The following MANBA variants were observed in gnomAD, a reference collection of about 807,000 sequenced individuals.
MANBA encodes the protein mannosidase beta, also known as beta-mannosidase.
Under a neutral mutation model 111.1 loss-of-function variants are expected in MANBA, and 83 were observed. The observed-to-expected ratio is 0.75, with a 90% confidence interval of 0.63 to 0.90. The LOEUF is 0.90. Ranked by LOEUF, MANBA falls within the 40% of genes least tolerant of loss-of-function variation. The probability of loss-of-function intolerance (pLI) is 0.00; values close to 1 mark genes in which losing one functional copy is unlikely to be tolerated. For missense variants in MANBA, 1,036 were observed against 1,069.0 expected (o/e 0.97, Z 0.43); for synonymous variants, 370 against 378.7 (o/e 0.98, Z 0.27).
chr4:102,692,672 A>G (rs1423821832), intron 5 of MANBA, among the ~76,000 whole-genome samples: 7 of 152,146 alleles, frequency 4.6e-5, no homozygotes, highest in Admixed American at 4.6e-4. Context: ...GAAAGAAAGG[A>G]GAAGAGCAGT....
Position 102,760,949 on chromosome 4 carries a change from G to A in MANBA, c.-55C>T. On this transcript the variant is annotated 5_prime_UTR_variant, in exon 1 of 17. Transcript: ENST00000647097. ...GAGATCGAAAGGCAGCGCTGCAAGG[G>A]ACCGGCGGTGAAGCCACTCACCCCC... 6.7e-7 allele frequency: 1 copy of A among 1,500,188 alleles called. No individual in the cohort carries two copies. The highest frequency in any genetic ancestry group is 9.0e-7 in the Non-Finnish European group (1 of 1,114,394). 92.9% of individuals were successfully genotyped at this position (1,500,188 alleles called of 1,614,324 possible).
At chr4:102,730,303 G>C in intron 1 of MANBA, 1 of 548,636 alleles carries the variant, frequency 1.8e-6, no homozygotes, top group Non-Finnish European at 3.2e-6. Flanking sequence ...TTACAAGAGG[G>C]TATAACTTAG....
At chr4:102,642,323 T>A (rs989681019) in intron 13 of MANBA, among the ~76,000 whole-genome samples, 1 of 152,180 alleles carries the variant, frequency 6.6e-6, no homozygotes, top group Non-Finnish European at 1.5e-5. Context: ...AATATGCCTA[T>A]TTGGCTGGGC....
chr4:102,638,933 A>C (rs1578859839), intron 14 of MANBA, among the ~76,000 whole-genome samples: 1 of 152,068 alleles, frequency 6.6e-6, no homozygotes, highest in African/African-American at 2.4e-5. Context: ...AACAAAAAGA[A>C]CCTCACCCAA....
intron 9 of MANBA, 71 bp from the exon 10 acceptor site, chr4:102,669,120 G>C: frequency 1.7e-6 from 2 of 1,164,182 alleles, no homozygotes; most frequent in Middle Eastern, 1.9e-4. Flanking sequence ...TCTTTATTCT[G>C]AGCTCTGGGC....
At chr4:102,652,741 A>C (rs1009289699) in intron 12 of MANBA, among the ~76,000 whole-genome samples, 18 of 152,056 alleles carry the variant, frequency 1.2e-4, no homozygotes, top group African/African-American at 4.1e-4. Context: ...AAGAAAAATA[A>C]AAAATCAGCC....
intron 1 of MANBA, chr4:102,734,502 G>A (rs931113039): frequency 6.8e-6 from 11 of 1,606,268 alleles, no homozygotes; most frequent in Admixed American, 3.3e-5. Flanking sequence ...CAAGTTCCAC[G>A]AGGTGGAGGC....
intron 4 of MANBA, among the ~76,000 whole-genome samples, chr4:102,715,180 G>C (rs1722271974): frequency 6.6e-6 from 1 of 152,168 alleles, no homozygotes; most frequent in Non-Finnish European, 1.5e-5. Context: ...ACTAAGCCTT[G>C]AATTTTGGGT....
At chr4:102,694,113 C>G (rs565567731) in intron 5 of MANBA, among the ~76,000 whole-genome samples, 2 of 152,270 alleles carry the variant, frequency 1.3e-5, no homozygotes, top group East Asian at 3.9e-4. Context: ...CAAAATTCCC[C>G]AGTTTCTCTT....
At position 102,714,411 on chromosome 4, in the gene MANBA, A is replaced by G. The variant is rs572605859; in HGVS notation, c.673+27T>C. 1.1e-4 allele frequency: 180 copies of G among 1,580,952 alleles called. 1 individual carries two copies. The South Asian group carries it at 1.7e-3, about 15-fold the overall frequency. On this transcript the variant is annotated intron_variant, in intron 5 of 16. Transcript: ENST00000647097. Reference sequence around the variant, plus strand: ...TTTTATAACAAGAAGACTCAAAAAGAAAAAAAAATCACATCTTTCAGCTTA... The same window carrying G: ...TTTTATAACAAGAAGACTCAAAAAGGAAAAAAAATCACATCTTTCAGCTTA...
chr4:102,634,156 T>A (rs1729510011), intron 16 of MANBA, among the ~76,000 whole-genome samples: 1 of 152,234 alleles, frequency 6.6e-6, no homozygotes. Context: ...TTCAACCTAC[T>A]AGACAAATTC....
intron 1 of MANBA, among the ~76,000 whole-genome samples, chr4:102,745,157 C>T (rs1723543374): frequency 6.6e-6 from 1 of 152,164 alleles, no homozygotes; most frequent in Non-Finnish European, 1.5e-5. Flanking sequence ...TCAATGTCAG[C>T]TCAGAGCCAG....
At chr4:102,655,429 T>G (rs1295414929) in intron 12 of MANBA, among the ~76,000 whole-genome samples, 2 of 152,140 alleles carry the variant, frequency 1.3e-5, no homozygotes, top group East Asian at 3.8e-4. Context: ...TACAAAGCTA[T>G]AGTAATCAAG....
chr4:102,676,675 C>T (rs559555584), intron 7 of MANBA, among the ~76,000 whole-genome samples: 63 of 151,106 alleles, frequency 4.2e-4, no homozygotes, highest in African/African-American at 9.6e-4. Context: ...GTTATCAGCA[C>T]GATAAATCAT....
chr4:102,654,478 G>T (rs1040332698), intron 12 of MANBA, among the ~76,000 whole-genome samples: 1 of 152,180 alleles, frequency 6.6e-6, no homozygotes, highest in Non-Finnish European at 1.5e-5. Flanking sequence ...ACTTCAATGT[G>T]TATAAGCAAA....
At position 102,719,253 on chromosome 4, in the gene MANBA, G is replaced by A. The variant is rs6829157; in HGVS notation, c.549+3618C>T. 7.2e-3 allele frequency among the ~76,000 whole-genome samples: 1,092 copies of A among 152,236 alleles called. 10 individuals are homozygous for A. Among genetic ancestry groups the A allele is most frequent in the African/African-American group, 0.022 (908 of 41,530 alleles). On this transcript the variant is annotated intron_variant, in intron 4 of 16. Transcript: ENST00000647097. ...CTCCTTGCTGGGAAAAGAATTCAGC[G>A]ATATTTCTCCTACTTGCACATCCGT...
At chr4:102,695,396 CAT>C (rs2110249078) in intron 5 of MANBA, among the ~76,000 whole-genome samples, 1 of 152,290 alleles carries the variant, frequency 6.6e-6, no homozygotes, top group Non-Finnish European at 1.5e-5. Flanking sequence ...AACAGGAAGA[CAT>C]ACTCCCAAAC....
intron 1 of MANBA, chr4:102,752,159 T>G: frequency 1.3e-6 from 1 of 780,640 alleles, no homozygotes. Flanking sequence ...GGAAGCAATT[T>G]CCTCAGTTCT....
intron 5 of MANBA, among the ~76,000 whole-genome samples, chr4:102,702,284 A>G (rs565612041): frequency 6.6e-6 from 1 of 151,860 alleles, no homozygotes; most frequent in Non-Finnish European, 1.5e-5. Context: ...AAAGTTTTTA[A>G]CTTCTTTGCC....
Sources: allele counts gnomAD v4.1 joint callset (sites outside exome capture counted in the v4.1 genomes callset), GRCh38; gene constraint gnomAD v4.1.1; transcripts MANE v1.5; gene names NCBI Gene and HGNC (gene_info 2026-07-23, HGNC 2026-07-21).